The following TKTL1 variants were observed in gnomAD, a reference collection of about 807,000 sequenced individuals.
The protein encoded by TKTL1 is transketolase like 1.
TKTL1 carries 1 observed loss-of-function variant against 39.3 expected under a neutral mutation model. That is an observed-to-expected ratio of 0.03 (90% CI 0.01 to 0.12). The LOEUF is 0.12. Among genes scored for constraint, TKTL1 ranks in the 10% least tolerant of loss-of-function variants. The probability of loss-of-function intolerance (pLI) is 1.00; values close to 1 mark genes in which losing one functional copy is unlikely to be tolerated. For synonymous variants in TKTL1, 262 were observed against 193.8 expected (o/e 1.35, Z -2.92); for missense variants, 575 against 509.6 (o/e 1.13, Z -1.24).
intron 5 of TKTL1, 21 bp from the exon 6 acceptor site, chrX:154,312,559 C>T: frequency 8.4e-7 from 1 of 1,194,402 alleles, no homozygotes; most frequent in Non-Finnish European, 1.1e-6. Context: ...GAATGGATGT[C>T]TTTTGTTTGT....
intron 1 of TKTL1, among the ~76,000 whole-genome samples, chrX:154,300,502 C>T (rs1258016532): frequency 2.7e-5 from 3 of 111,617 alleles, no homozygotes; most frequent in Non-Finnish European, 5.6e-5. Context: ...TAAGTATATT[C>T]CTAGGGTGGG....
At chrX:154,298,724 T>A (rs888279499) in intron 1 of TKTL1, among the ~76,000 whole-genome samples, 1 of 112,325 alleles carries the variant, frequency 8.9e-6, no homozygotes, top group African/African-American at 3.2e-5. Context: ...TTCATTAAAT[T>A]TTTTCTATTT....
At chrX:154,318,030 A>G (rs1348869088) in intron 7 of TKTL1, among the ~76,000 whole-genome samples, 1 of 112,115 alleles carries the variant, frequency 8.9e-6, no homozygotes, top group African/African-American at 3.2e-5. Flanking sequence ...TTTCTAAACT[A>G]CATATTCGTT....
At chrX:154,300,398 T>C (rs1398950101) in intron 1 of TKTL1, among the ~76,000 whole-genome samples, 2 of 112,545 alleles carry the variant, frequency 1.8e-5, no homozygotes, top group Admixed American at 1.9e-4. Context: ...ATTCTTCCTA[T>C]CCATGAGCAT....
chrX:154,317,412 A>G (rs1222441213), intron 7 of TKTL1, among the ~76,000 whole-genome samples: 2 of 111,834 alleles, frequency 1.8e-5, no homozygotes, highest in African/African-American at 6.5e-5. Flanking sequence ...AGCAAGGGGC[A>G]TGGCCAACTG....
At chrX:154,323,782 C>T (rs901102303) in intron 9 of TKTL1, among the ~76,000 whole-genome samples, 4 of 112,629 alleles carry the variant, frequency 3.6e-5, no homozygotes, top group Admixed American at 9.3e-5. Context: ...CCACTACAAA[C>T]GAACCCGGGT....
intron 1 of TKTL1, among the ~76,000 whole-genome samples, chrX:154,297,513 C>G (rs1173159509): frequency 9.0e-6 from 1 of 111,715 alleles, no homozygotes; most frequent in Non-Finnish European, 1.9e-5. Context: ...GCCTCGGCCT[C>G]CCAAAGTGCT....
At chrX:154,298,706 A>T (rs1325579692) in intron 1 of TKTL1, among the ~76,000 whole-genome samples, 1 of 111,057 alleles carries the variant, frequency 9.0e-6, no homozygotes, top group Non-Finnish European at 1.9e-5. Context: ...AAAGAAAAAA[A>T]AATTGGTTTC....
intron 2 of TKTL1, among the ~76,000 whole-genome samples, chrX:154,306,842 G>C (rs1557167322): frequency 9.1e-6 from 1 of 110,253 alleles, no homozygotes; most frequent in Non-Finnish European, 1.9e-5. Context: ...TCACTATGTT[G>C]CCCAGGCTGG....
chrX:154,300,451 G>A (rs1239891151), intron 1 of TKTL1, among the ~76,000 whole-genome samples: 2 of 112,324 alleles, frequency 1.8e-5, no homozygotes, highest in Non-Finnish European at 3.8e-5. Context: ...TTTCAGTAGT[G>A]TTTTGTAGTT....
Position 154,305,330 on chromosome X carries a change from C to G in TKTL1, c.161C>G (p.Ser54Cys). 2.5e-6 allele frequency: 3 copies of G among 1,209,270 alleles called. No individual in the cohort carries two copies. Among genetic ancestry groups the G allele is most frequent in the Non-Finnish European group, 2.2e-6 (2 of 893,544 alleles). ...SGHPTSCSSS[S>C]EIMSVLFFYI... ...CACCCTACATCATGTAGCAGTTCTT[C>G]TGAGATCATGTCTGTGCTGTTCTTC... is the stretch of plus-strand genomic sequence containing the variant. The change falls in exon 2 of 13, where the codon TCT becomes TGT. Residue 54 changes from serine to cysteine, a missense_variant. Transcript: ENST00000369915.
At chrX:154,298,051 A>G (rs902168459) in intron 1 of TKTL1, among the ~76,000 whole-genome samples, 1 of 111,536 alleles carries the variant, frequency 9.0e-6, no homozygotes, top group Non-Finnish European at 1.9e-5. Flanking sequence ...TTGTAGGTCT[A>G]TTCAGATTTT....
At position 154,329,500 on chromosome X, in the gene TKTL1, A is replaced by G; in HGVS notation, c.1619-16A>G. Reference sequence around the variant, plus strand: ...AGCTGCTTTCACAAAAGGGCCTAACATCCTTGTTTCCCCAGGTGGCATCGG... The same window carrying G: ...AGCTGCTTTCACAAAAGGGCCTAACGTCCTTGTTTCCCCAGGTGGCATCGG... On this transcript the variant is annotated splice_polypyrimidine_tract_variant and intron_variant, in intron 12 of 12. Coordinates refer to ENST00000369915, the MANE Select transcript of TKTL1 (RefSeq NM_012253.4). 1 of 1,209,129 alleles carries G rather than the reference A, an allele frequency of 8.3e-7. No individual in the cohort carries two copies.
At chrX:154,321,215 C>T (rs1445556663) in intron 8 of TKTL1, among the ~76,000 whole-genome samples, 2 of 109,479 alleles carry the variant, frequency 1.8e-5, no homozygotes, top group Non-Finnish European at 3.8e-5. Flanking sequence ...GGAGCCTTTT[C>T]TGCCCTCGCT....
chrX:154,303,872 G>C (rs782257923), intron 1 of TKTL1, among the ~76,000 whole-genome samples: 14 of 103,871 alleles, frequency 1.3e-4, no homozygotes, highest in Non-Finnish European at 2.7e-4. Context: ...TCAGGTCATC[G>C]TGTTCTCTGA....
At chrX:154,314,900 T>C (rs1469223965) in intron 6 of TKTL1, among the ~76,000 whole-genome samples, 1 of 109,274 alleles carries the variant, frequency 9.2e-6, no homozygotes, top group Admixed American at 9.8e-5. Flanking sequence ...TTTACCTGCT[T>C]AGGAAGTGGG....
In TKTL1 at chrX:154,329,539, G is replaced by A. The variant is rs199544899; in HGVS notation, c.1642G>A (p.Ala548Thr). 1.7e-5 allele frequency: 21 copies of A among 1,211,541 alleles called. No individual in the cohort carries two copies. In the East Asian group the frequency reaches 3.2e-4, roughly 19 times the overall value. The change falls in exon 13 of 13, where the codon GCA becomes ACA. Residue 548 changes from alanine (A) to threonine (T), a missense_variant. Transcript: ENST00000369915. ...PQGGIGEAVC[A>T]AVSMDPDIQV... ...AGGTGGCATCGGGGAAGCTGTCTGC[G>A]CAGCCGTCTCCATGGATCCTGACAT... is the stretch of plus-strand genomic sequence containing the variant.
chrX:154,305,466 A>G, intron 2 of TKTL1, 45 bp downstream of exon 2: 1 of 1,184,707 alleles, frequency 8.4e-7, no homozygotes, highest in Non-Finnish European at 1.1e-6. Context: ...CCTGCTGGTT[A>G]AGCCCAGTTT....
chrX:154,319,171 G>A (rs1487489700), intron 7 of TKTL1, among the ~76,000 whole-genome samples: 1 of 112,117 alleles, frequency 8.9e-6, no homozygotes, highest in Admixed American at 9.5e-5. Context: ...AGTTTTGTTA[G>A]AGGAATGTCA....
Sources: allele counts gnomAD v4.1 joint callset (sites outside exome capture counted in the v4.1 genomes callset), GRCh38; gene constraint gnomAD v4.1.1; transcripts MANE v1.5; gene names NCBI Gene and HGNC (gene_info 2026-07-23, HGNC 2026-07-21).